Variants in NOS1 observed in about 807,000 individuals in gnomAD.
The protein encoded by NOS1 is NOS type I.
In NOS1, 51 loss-of-function variants were observed where a neutral mutation model predicts 164.5. The observed-to-expected ratio is 0.31, with a 90% CI of 0.25 to 0.39. The LOEUF is 0.39. Among genes scored for constraint, NOS1 ranks in the 10% least tolerant of loss-of-function variants. The probability of loss-of-function intolerance (pLI) is 1.00; values close to 1 mark genes in which losing one functional copy is unlikely to be tolerated. For missense variants in NOS1, 1,362 were observed against 1,885.6 expected (o/e 0.72, Z 5.14); for synonymous variants, 719 against 745.8 (o/e 0.96, Z 0.59).
intron 2 of NOS1, among the ~76,000 whole-genome samples, chr12:117,324,153 C>A (rs956353755): frequency 6.6e-6 from 1 of 152,080 alleles, no homozygotes; most frequent in Admixed American, 6.6e-5. Flanking sequence ...TGCTGTGTGA[C>A]CCTGGGTAAG....
intron 9 of NOS1, among the ~76,000 whole-genome samples, chr12:117,274,928 T>C (rs1329939927): frequency 1.3e-5 from 2 of 152,092 alleles, no homozygotes; most frequent in Admixed American, 6.6e-5. Flanking sequence ...ATATTTTATA[T>C]ATACTGTGTG....
intron 22 of NOS1, among the ~76,000 whole-genome samples, chr12:117,229,303 G>T (rs959886126): frequency 6.6e-6 from 1 of 152,090 alleles, no homozygotes; most frequent in African/African-American, 2.4e-5. Flanking sequence ...GAGTCTCCAG[G>T]GCTACTCAAG....
chr12:117,355,969 G>T (rs1257108886), intron 1 of NOS1, among the ~76,000 whole-genome samples: 1 of 152,108 alleles, frequency 6.6e-6, no homozygotes, highest in Non-Finnish European at 1.5e-5. Flanking sequence ...CCCAGGCTGG[G>T]CTCAAACGCT....
At chr12:117,274,746 G>A (rs557281691) in intron 9 of NOS1, among the ~76,000 whole-genome samples, 6 of 144,778 alleles carry the variant, frequency 4.1e-5, no homozygotes, top group Non-Finnish European at 7.5e-5. Flanking sequence ...CTCCAGCCTG[G>A]GCTGGAGTGA....
intron 3 of NOS1, among the ~76,000 whole-genome samples, chr12:117,293,064 C>G (rs1873164063): frequency 6.6e-6 from 1 of 152,178 alleles, no homozygotes. Flanking sequence ...ACAGATCATG[C>G]AGAGGTCCTG....
At chr12:117,284,998 C>T (rs7967614) in intron 7 of NOS1, among the ~76,000 whole-genome samples, 1 of 149,398 alleles carries the variant, frequency 6.7e-6, no homozygotes, top group South Asian at 2.1e-4. Flanking sequence ...TGCAGTGAGC[C>T]GAGATCATGC....
At chr12:117,307,597 G>A (rs541685580) in intron 3 of NOS1, among the ~76,000 whole-genome samples, 1 of 152,058 alleles carries the variant, frequency 6.6e-6, no homozygotes, top group South Asian at 2.1e-4. Flanking sequence ...AAATTCCTAG[G>A]CTCAAGCGAT....
At chr12:117,315,161 C>T (rs964446293) in intron 2 of NOS1, among the ~76,000 whole-genome samples, 4 of 152,020 alleles carry the variant, frequency 2.6e-5, no homozygotes, top group Non-Finnish European at 5.9e-5. Context: ...GTTTTGCCAA[C>T]AAAAACTTAA....
At chr12:117,321,182 G>A (rs1312495039) in intron 2 of NOS1, among the ~76,000 whole-genome samples, 2 of 152,042 alleles carry the variant, frequency 1.3e-5, no homozygotes, top group Non-Finnish European at 2.9e-5. Flanking sequence ...GCTGATTTTT[G>A]TATTTTTAGT....
intron 1 of NOS1, among the ~76,000 whole-genome samples, chr12:117,335,758 GAGAGAGAGAGA>G (rs1389896957): frequency 6.6e-6 from 1 of 150,924 alleles, no homozygotes; most frequent in Non-Finnish European, 1.5e-5. Context: ...GAGAGAGAGA[GAGAGAGAGAGA>G]GACAGGGTCT....
At chr12:117,359,877 TATATATATATATATATATATATATATATA>T (rs1380212092) in intron 1 of NOS1, among the ~76,000 whole-genome samples, 2 of 20,636 alleles carry the variant, frequency 9.7e-5, no homozygotes, top group African/African-American at 2.1e-4. Context: ...ATAATGGTTT[TATATATATATATATATATATATATATATA>T]TATATATATA....
Position 117,209,983 on chromosome 12 carries a change from T to C in NOS1, c.*5326A>G. ...CCAGCACCTGGTCTTTCATTTTAAT[T>C]TTTTTTAGAGACAGGGTCTTGCTCT... On this transcript the variant is annotated 3_prime_UTR_variant, in exon 29 of 29. Transcript: ENST00000317775. The C allele has an allele frequency of 1.0e-6, 1 of 985,302 alleles. No individual in the cohort carries two copies. Among genetic ancestry groups the C allele is most frequent in the Non-Finnish European group, 1.2e-6 (1 of 829,942 alleles). 61.0% of individuals were successfully genotyped at this position (985,302 alleles called of 1,614,324 possible).
intron 1 of NOS1, among the ~76,000 whole-genome samples, chr12:117,336,215 A>T (rs1486568194): frequency 6.6e-6 from 1 of 152,154 alleles, no homozygotes; most frequent in Non-Finnish European, 1.5e-5. Context: ...CATTTTATAG[A>T]TGAGAAAACA....
At chr12:117,265,087 C>G (rs1592966377) in intron 12 of NOS1, among the ~76,000 whole-genome samples, 1 of 152,032 alleles carries the variant, frequency 6.6e-6, no homozygotes, top group African/African-American at 2.4e-5. Context: ...CTCAAGCCAC[C>G]TTCCCACCTC....
intron 18 of NOS1, among the ~76,000 whole-genome samples, chr12:117,244,460 A>G (rs1870460659): frequency 6.6e-6 from 1 of 152,090 alleles, no homozygotes. Flanking sequence ...GCTGGTTTCG[A>G]GCTTCTGGCC....
intron 16 of NOS1, among the ~76,000 whole-genome samples, chr12:117,256,296 T>TTTTTTTTTTTTTTTTTTTG (rs1871449297): frequency 6.7e-6 from 1 of 149,684 alleles, no homozygotes; most frequent in African/African-American, 2.5e-5. Context: ...TTTTTTTTTT[T>TTTTTTTTTTTTTTTTTTTG]GAGACGGAGT....
chr12:117,236,251 A>G (rs1869695018), intron 20 of NOS1, among the ~76,000 whole-genome samples: 1 of 152,136 alleles, frequency 6.6e-6, no homozygotes, highest in African/African-American at 2.4e-5. Context: ...GATATTCAAC[A>G]TGAAGTTTCT....
At chr12:117,250,458 A>G (rs1323782607) in intron 17 of NOS1, among the ~76,000 whole-genome samples, 1 of 151,388 alleles carries the variant, frequency 6.6e-6, no homozygotes, top group Non-Finnish European at 1.5e-5. Flanking sequence ...CCTCCAGAGT[A>G]GCTGGGATTA....
Position 117,213,265 on chromosome 12 carries a change from G to T in NOS1, c.*2044C>A. On this transcript the variant is annotated 3_prime_UTR_variant, in exon 29 of 29. Coordinates refer to ENST00000317775, the MANE Select transcript of NOS1 (RefSeq NM_000620.5). ...GGGAGGCGTCTCCAAAGCTATAAAG[G>T]ATTGGAAAGAAAGCCTTTGGGAGGA... is the stretch of plus-strand genomic sequence containing the variant. The T allele has an allele frequency of 1.0e-6, 1 of 985,470 alleles. No individual in the cohort carries two copies. The highest frequency in any genetic ancestry group is 4.7e-5 in the South Asian group (1 of 21,288). 61.0% of individuals were successfully genotyped at this position (985,470 alleles called of 1,614,324 possible).
Sources: allele counts gnomAD v4.1 joint callset (sites outside exome capture counted in the v4.1 genomes callset), GRCh38; gene constraint gnomAD v4.1.1; transcripts MANE v1.5; gene names NCBI Gene and HGNC (gene_info 2026-07-23, HGNC 2026-07-21).